Variants in HIVEP2 observed in about 807,000 individuals in gnomAD.
HIVEP2 encodes HIVEP zinc finger 2.
In HIVEP2, 14 loss-of-function variants were observed where a neutral mutation model predicts 180.7. The ratio of observed to expected loss-of-function variants is 0.08; its 90% CI spans 0.05 to 0.12. The LOEUF (loss-of-function observed/expected upper bound fraction) is 0.12, where lower values mean the gene tolerates loss of function less well. HIVEP2 is among the 10% of genes least tolerant of loss of function. HIVEP2 has a pLI of 1.00. For synonymous variants in HIVEP2, 1,184 were observed against 1,136.4 expected (o/e 1.04, Z -0.84); for missense variants, 2,579 against 3,008.5 (o/e 0.86, Z 3.34).
intron 1 of HIVEP2, among the ~76,000 whole-genome samples, chr6:142,900,718 G>A (rs953451102): frequency 1.3e-5 from 2 of 152,128 alleles, no homozygotes; most frequent in African/African-American, 2.4e-5. Context: ...GGGTGATGGC[G>A]GCTGGATCAT....
chr6:142,884,187 G>A (rs1417955709), intron 1 of HIVEP2, among the ~76,000 whole-genome samples: 1 of 152,046 alleles, frequency 6.6e-6, no homozygotes. Flanking sequence ...CTGTTTGAGG[G>A]TACTGGATCT....
At chr6:142,883,616 G>A (rs944269733) in intron 1 of HIVEP2, among the ~76,000 whole-genome samples, 6 of 152,108 alleles carry the variant, frequency 3.9e-5, no homozygotes, top group Non-Finnish European at 7.4e-5. Context: ...ACAACGTAGG[G>A]CAAAGAACAG....
chr6:142,850,713 T>C (rs1424795994), intron 1 of HIVEP2, among the ~76,000 whole-genome samples: 7 of 152,250 alleles, frequency 4.6e-5, no homozygotes, highest in South Asian at 4.1e-4. Context: ...AGGGAATTCC[T>C]AAGCCTGACA....
At chr6:142,847,184 A>G (rs1277526306) in intron 1 of HIVEP2, among the ~76,000 whole-genome samples, 2 of 152,210 alleles carry the variant, frequency 1.3e-5, no homozygotes, top group Non-Finnish European at 2.9e-5. Flanking sequence ...GGGTGGAATC[A>G]CTTCCAATTC....
Position 142,768,489 on chromosome 6 carries a change from T to C in HIVEP2, c.5235A>G (p.Lys1745=). The C allele has an allele frequency of 2.5e-6, 4 of 1,613,470 alleles. No individual in the cohort carries two copies. The highest frequency in any genetic ancestry group is 3.4e-6 in the Non-Finnish European group (4 of 1,179,610). ...TTTCCTTTAAGATATTTCCCACTAGTTTCCTTTCTAGTTTGCTGCCAAATA... is the reference window on the plus strand; with the variant it reads ...TTTCCTTTAAGATATTTCCCACTAGCTTCCTTTCTAGTTTGCTGCCAAATA... ...SFLFGSKLER[K]LVGNILKERG... is the part of the protein sequence containing the mutation. Residue 1745 remains lysine (K), a synonymous_variant, in exon 6 of 10, where the codon AAA becomes AAG. Transcript: ENST00000367603.
chr6:142,791,282 T>C (rs1227260046), intron 2 of HIVEP2, among the ~76,000 whole-genome samples: 1 of 152,084 alleles, frequency 6.6e-6, no homozygotes, highest in African/African-American at 2.4e-5. Flanking sequence ...TTCTCAGAGA[T>C]TAGGAACCAT....
At chr6:142,887,298 C>A (rs542244940) in intron 1 of HIVEP2, among the ~76,000 whole-genome samples, 5 of 151,714 alleles carry the variant, frequency 3.3e-5, no homozygotes, top group Admixed American at 6.6e-5. Context: ...GAGACATATT[C>A]CTATTTGCCA....
At chr6:142,873,580 G>A (rs1776351915) in intron 1 of HIVEP2, among the ~76,000 whole-genome samples, 1 of 152,140 alleles carries the variant, frequency 6.6e-6, no homozygotes, top group Non-Finnish European at 1.5e-5. Context: ...TGGAATATAT[G>A]ATTATTCTCA....
At chr6:142,755,508 G>T (rs1775042675) in intron 9 of HIVEP2, among the ~76,000 whole-genome samples, 1 of 152,166 alleles carries the variant, frequency 6.6e-6, no homozygotes, top group African/African-American at 2.4e-5. Context: ...ATAAAACCGA[G>T]CTTGGTTATT....
intron 2 of HIVEP2, among the ~76,000 whole-genome samples, chr6:142,820,665 A>AT (rs201138739): frequency 7.2e-4 from 109 of 150,810 alleles, no homozygotes; most frequent in African/African-American, 2.3e-3. Context: ...CCCTTTTTCT[A>AT]TTTTTTTTTC....
Position 142,753,763 on chromosome 6 carries a change from C to G in HIVEP2, c.6685G>C (p.Val2229Leu), listed in dbSNP as rs1256399525. The change falls in exon 10 of 10, where the codon GTG (valine) becomes CTG (leucine). Residue 2229 changes from valine to leucine, a missense_variant. Transcript: ENST00000367603. ...QQQVRAPIPM[V>L]PVGGIQMVHS... ...ACCATCTGGATCCCACCAACGGGCA[C>G]CATGGGGATAGGGGCTCGCACTTGT... 1 of 1,614,114 alleles carries G rather than the reference C, an allele frequency of 6.2e-7. No individual in the cohort carries two copies. Among genetic ancestry groups the G allele is most frequent in the East Asian group, 2.2e-5 (1 of 44,870 alleles).
chr6:142,844,027 C>T (rs1392763255), intron 1 of HIVEP2, among the ~76,000 whole-genome samples: 2 of 152,116 alleles, frequency 1.3e-5, no homozygotes, highest in East Asian at 1.9e-4. Flanking sequence ...AACATACTTT[C>T]GGATGGCACA....
chr6:142,753,994 G>A, intron 9 of HIVEP2, 63 bp from the exon 10 acceptor site: 1 of 848,006 alleles, frequency 1.2e-6, no homozygotes, highest in Non-Finnish European at 1.8e-6. Flanking sequence ...CTTAGGTCAA[G>A]CTGTTGGATT....
intron 1 of HIVEP2, among the ~76,000 whole-genome samples, chr6:142,914,405 T>C (rs1383853675): frequency 1.3e-5 from 2 of 152,168 alleles, no homozygotes; most frequent in African/African-American, 2.4e-5. Flanking sequence ...AAAGTATCGA[T>C]AAAGATTAAA....
intron 1 of HIVEP2, among the ~76,000 whole-genome samples, chr6:142,898,387 C>T (rs769760455): frequency 1.4e-4 from 21 of 152,146 alleles, no homozygotes; most frequent in African/African-American, 2.7e-4. Flanking sequence ...ACAGGCCGCG[C>T]GCAGTGGCTC....
chr6:142,794,377 T>C (rs1047511311), intron 2 of HIVEP2, among the ~76,000 whole-genome samples: 1 of 152,188 alleles, frequency 6.6e-6, no homozygotes, highest in East Asian at 1.9e-4. Flanking sequence ...TTTCAATAGT[T>C]TGAGCAACAC....
intron 1 of HIVEP2, among the ~76,000 whole-genome samples, chr6:142,839,130 G>A (rs1055532174): frequency 2.0e-5 from 3 of 152,116 alleles, no homozygotes; most frequent in Admixed American, 6.6e-5. Context: ...AGAAGAAGCA[G>A]ATCTGTTGCC....
chr6:142,880,319 C>T (rs1776550061), intron 1 of HIVEP2, among the ~76,000 whole-genome samples: 1 of 152,108 alleles, frequency 6.6e-6, no homozygotes, highest in Admixed American at 6.5e-5. Context: ...AACTTGCACC[C>T]TCCCCCAGAT....
rs1194005405 is a variant in HIVEP2, at chr6:142,874,355, C to T, written c.-640-37308G>A. Among the ~76,000 whole-genome samples the T allele has an allele frequency of 4.6e-5, 7 of 152,146 alleles. No individual in the cohort carries two copies. In the East Asian group the frequency reaches 1.4e-3, roughly 29 times the overall value. On this transcript the variant is annotated intron_variant, in intron 1 of 9. Transcript: ENST00000367603. The stretch of plus-strand genomic sequence containing the variant: ...TAGATTTTTTTTTCTCCAGCTCAGG[C>T]TTAACAAAGATATACCTGTTTAGTT...
Sources: allele counts gnomAD v4.1 joint callset (sites outside exome capture counted in the v4.1 genomes callset), GRCh38; gene constraint gnomAD v4.1.1; transcripts MANE v1.5; gene names NCBI Gene and HGNC (gene_info 2026-07-23, HGNC 2026-07-21).